IFT81: variants seen among roughly 807,000 people sequenced by gnomAD.
IFT81 encodes intraflagellar transport 81.
In IFT81, 72 loss-of-function variants were observed where a neutral mutation model predicts 102.6. The observed-to-expected ratio is 0.70, with a 90% CI of 0.58 to 0.85. IFT81 has a LOEUF of 0.85. Among genes scored for constraint, IFT81 ranks in the 40% least tolerant of loss-of-function variants. The pLI, the probability that IFT81 is intolerant of heterozygous loss-of-function variation, is 0.00. For missense variants in IFT81, 723 were observed against 787.3 expected, an observed-to-expected ratio of 0.92 and a Z score of 0.98; for synonymous variants, 237 against 242.7, an observed-to-expected ratio of 0.98 and a Z score of 0.22.
intron 17 of IFT81, among the ~76,000 whole-genome samples, chr12:110,206,222 A>G (rs1333819582): frequency 1.3e-5 from 2 of 152,186 alleles, no homozygotes; most frequent in African/African-American, 2.4e-5. Flanking sequence ...GCAGTGTACC[A>G]GTCTTCAAGA....
intron 12 of IFT81, among the ~76,000 whole-genome samples, chr12:110,188,843 C>A (rs1897669425): frequency 6.6e-6 from 1 of 151,494 alleles, no homozygotes; most frequent in African/African-American, 2.4e-5. Flanking sequence ...GCAGGAGAAT[C>A]GCTTGAACCC....
intron 1 of IFT81, among the ~76,000 whole-genome samples, chr12:110,125,785 T>A (rs1024117920): frequency 1.4e-4 from 22 of 152,356 alleles, no homozygotes; most frequent in Middle Eastern, 3.4e-3. Flanking sequence ...TTCAGTTTTT[T>A]AAAAAGTTAT....
rs756874674 is a variant in IFT81 at position 110,191,035 on chromosome 12, A to C, written c.1454A>C (p.Asp485Ala). 6.2e-7 allele frequency: 1 copy of C among 1,606,096 alleles called. No homozygotes were observed. Among genetic ancestry groups the C allele is most frequent in the Non-Finnish European group, 8.5e-7 (1 of 1,177,344 alleles). ...GAAATGAAAGGACGAACATTGGATG[A>C]TATGTCTGAAATGGTGATGATACTT... ...VDEMKGRTLD[D>A]MSEMVKKLYS... The change falls in exon 13 of 19, where the codon GAT (aspartate) becomes GCT (alanine). Residue 485 changes from aspartate to alanine, a missense_variant. Asp to Ala is a moderately radical substitution (Grantham distance 126). Coordinates refer to ENST00000242591, the MANE Select transcript of IFT81 (RefSeq NM_014055.4).
At position 110,180,508 on chromosome 12, in the gene IFT81, C is replaced by T. The variant is rs763039671; in HGVS notation, c.1275C>T (p.Phe425=). ...HQIIAELKAE[F]GLLQRTEELL... is the part of the protein sequence containing the mutation. ...TAATAGCTGAACTTAAAGCTGAATTCGGTCTTTTGCAGAGGACTGAAGAAC... is the reference window on the plus strand; with the variant it reads ...TAATAGCTGAACTTAAAGCTGAATTTGGTCTTTTGCAGAGGACTGAAGAAC... Residue 425 remains phenylalanine (F), a synonymous_variant, in exon 12 of 19, where the codon TTC becomes TTT. Transcript: ENST00000242591. 114 of 1,610,286 alleles carry T rather than the reference C, an allele frequency of 7.1e-5. No individual in the cohort carries two copies. Among genetic ancestry groups the T allele is most frequent in the Admixed American group, 2.7e-4 (16 of 59,944 alleles).
chr12:110,211,966 A>C (rs1346878258), intron 18 of IFT81, among the ~76,000 whole-genome samples: 1 of 152,204 alleles, frequency 6.6e-6, no homozygotes, highest in Non-Finnish European at 1.5e-5. Context: ...GTCCATTCTT[A>C]AAATACAAAT....
rs763688993 is a variant in IFT81 at position 110,218,190 on chromosome 12, A to C, written c.1995A>C (p.Val665=). 19 of 1,576,524 alleles carry C rather than the reference A, an allele frequency of 1.2e-5. No individual in the cohort carries two copies. In the Admixed American group the frequency reaches 3.8e-4, roughly 32 times the overall value. The change falls in exon 19 of 19, where the codon GTA becomes GTC. Residue 665 remains valine, a synonymous_variant. Transcript: ENST00000242591. ...AAAGCCAAACTTCCATTGGTCAGGTAATTCAGGAGGGTGGGGAGGACCGGC... is the reference window on the plus strand; with the variant it reads ...AAAGCCAAACTTCCATTGGTCAGGTCATTCAGGAGGGTGGGGAGGACCGGC... The part of the protein sequence containing the change: ...KQQSQTSIGQ[V]IQEGGEDRLI...
intron 2 of IFT81, among the ~76,000 whole-genome samples, chr12:110,127,735 CATAA>C (rs1893932154): frequency 6.6e-6 from 1 of 152,206 alleles, no homozygotes; most frequent in South Asian, 2.1e-4. Flanking sequence ...CACTTCCAGA[CATAA>C]ATAGGTTTGG....
intron 15 of IFT81, chr12:110,205,141 C>T (rs954850207): frequency 1.7e-5 from 3 of 172,752 alleles, no homozygotes; most frequent in Admixed American, 6.3e-5. Flanking sequence ...GGCTGAGGCA[C>T]GAGAATCTCT....
At chr12:110,144,375 CCTGG>C (rs2137362755) in intron 9 of IFT81, among the ~76,000 whole-genome samples, 1 of 152,050 alleles carries the variant, frequency 6.6e-6, no homozygotes, top group Admixed American at 6.6e-5. Flanking sequence ...CGCCACCACG[CCTGG>C]CTAATTTTTG....
intron 14 of IFT81, among the ~76,000 whole-genome samples, chr12:110,201,228 C>G (rs765962290): frequency 7.2e-5 from 11 of 151,776 alleles, no homozygotes; most frequent in Non-Finnish European, 1.2e-4. Context: ...CATGGTGAAA[C>G]CTTGTCTCTA....
At chr12:110,205,813 T>C in intron 17 of IFT81, 133 bp downstream of exon 17, 1 of 527,304 alleles carries the variant, frequency 1.9e-6, no homozygotes, top group Non-Finnish European at 3.3e-6. Context: ...ATACTAAATC[T>C]TACTAAACAT....
chr12:110,218,285 T>TGGACACTTGGACC lies in IFT81; in HGVS notation c.*59_*60insGGACACTTGGACC. On this transcript the variant is annotated 3_prime_UTR_variant, in exon 19 of 19. Transcript: ENST00000242591. Reference sequence around the variant, plus strand: ...ACCACTAGCTATAAGCCTAATCTCATAATGTATTTCTTTTTTGAAACTGAT... The same window carrying TGGACACTTGGACC: ...ACCACTAGCTATAAGCCTAATCTCATGGACACTTGGACCAATGTATTTCTTTTTTGAAACTGAT... 7.9e-7 allele frequency: 1 copy of TGGACACTTGGACC among 1,259,056 alleles called. No individual in the cohort carries two copies. The highest frequency in any genetic ancestry group is 1.1e-6 in the Non-Finnish European group (1 of 940,456). 78.0% of individuals were successfully genotyped at this position (1,259,056 alleles called of 1,614,324 possible). A position where few individuals can be genotyped will look rare whatever the true frequency, so the allele number is the denominator to read the frequency against.
At chr12:110,190,590 T>C (rs1379819874) in intron 12 of IFT81, among the ~76,000 whole-genome samples, 1 of 152,208 alleles carries the variant, frequency 6.6e-6, no homozygotes, top group Non-Finnish European at 1.5e-5. Context: ...AAATATTGGA[T>C]GAGTGAACAT....
At chr12:110,212,135 C>T (rs780587314) in intron 18 of IFT81, among the ~76,000 whole-genome samples, 5 of 151,174 alleles carry the variant, frequency 3.3e-5, no homozygotes, top group Non-Finnish European at 5.9e-5. Flanking sequence ...TATGCTTGTA[C>T]TTGAAAGATG....
chr12:110,175,978 CCTT>C (rs953544065), intron 11 of IFT81, among the ~76,000 whole-genome samples: 2 of 152,118 alleles, frequency 1.3e-5, no homozygotes. Context: ...ACTCCAGCCT[CCTT>C]CTTTACACAC....
At chr12:110,166,161 C>A (rs1896424687) in intron 11 of IFT81, among the ~76,000 whole-genome samples, 1 of 152,180 alleles carries the variant, frequency 6.6e-6, no homozygotes, top group African/African-American at 2.4e-5. Flanking sequence ...GCACTAGGCA[C>A]ATAGTAAATG....
chr12:110,179,767 TATATATAC>T (rs1262878635), intron 11 of IFT81, among the ~76,000 whole-genome samples: 10 of 66,798 alleles, frequency 1.5e-4, no homozygotes, highest in South Asian at 4.5e-4. Context: ...TATATATATA[TATATATAC>T]ACACACACAC....
intron 11 of IFT81, among the ~76,000 whole-genome samples, chr12:110,171,651 G>A (rs1397877683): frequency 1.3e-5 from 2 of 152,192 alleles, no homozygotes; most frequent in African/African-American, 4.8e-5. Context: ...GTTATGATGC[G>A]TGATTTTAAA....
Position 110,135,331 on chromosome 12 carries a change from A to G in IFT81, c.590A>G (p.Glu197Gly). ...CTACTTATTCCCTTACTGTAGGTTGAGACAGCTCAGAATCATCAATGGATG... is the reference window on the plus strand; with the variant it reads ...CTACTTATTCCCTTACTGTAGGTTGGGACAGCTCAGAATCATCAATGGATG... ...KRVEHLKKRV[E>G]TAQNHQWMLK... Residue 197 changes from glutamate (E) to glycine (G), a missense_variant, in exon 7 of 19, where the codon GAG (glutamate) becomes GGG (glycine). Glu to Gly is a moderately conservative substitution (Grantham distance 98). Coordinates refer to ENST00000242591, the MANE Select transcript of IFT81 (RefSeq NM_014055.4). 6.2e-7 allele frequency: 1 copy of G among 1,604,536 alleles called. No homozygotes were observed. Among genetic ancestry groups the G allele is most frequent in the South Asian group, 1.1e-5 (1 of 89,748 alleles).
Sources: allele counts gnomAD v4.1 joint callset (sites outside exome capture counted in the v4.1 genomes callset), GRCh38; gene constraint gnomAD v4.1.1; transcripts MANE v1.5; gene names NCBI Gene and HGNC (gene_info 2026-07-23, HGNC 2026-07-21).